Variants in TENM3 observed in about 807,000 individuals in gnomAD.
The protein encoded by TENM3 is teneurin-3.
In TENM3, 63 loss-of-function variants were observed where a neutral mutation model predicts 255.1. The observed-to-expected ratio is 0.25, with a 90% CI of 0.20 to 0.30. The LOEUF is 0.30. Among genes scored for constraint, TENM3 ranks in the 10% least tolerant of loss-of-function variants. The pLI is 1.00. For synonymous variants in TENM3, 1,306 were observed against 1,322.3 expected, an observed-to-expected ratio of 0.99 and a Z score of 0.27; for missense variants, 2,929 against 3,461.1, an observed-to-expected ratio of 0.85 and a Z score of 3.86.
intron 1 of TENM3, among the ~76,000 whole-genome samples, chr4:182,154,752 T>C (rs1344355980): frequency 1.3e-5 from 2 of 152,166 alleles, no homozygotes; most frequent in Non-Finnish European, 2.9e-5. Flanking sequence ...AAGAAAATAG[T>C]GACATATAAA....
At chr4:181,664,476 T>TAAA in the TENM3 span, among the ~76,000 whole-genome samples, 9,908 of 140,526 alleles carry the variant, frequency 0.071, 374 homozygotes, top group African/African-American at 0.11. Flanking sequence ...GTCTAAAAAA[T>TAAA]AAAAAAAAAC....
the TENM3 span, among the ~76,000 whole-genome samples, chr4:181,898,391 T>C: frequency 1.1e-3 from 163 of 152,328 alleles, no homozygotes; most frequent in African/African-American, 3.6e-3. Context: ...GTCTCTTCTA[T>C]ATTTATATCT....
chr4:182,308,855 T>C (rs1762280721), intron 1 of TENM3, among the ~76,000 whole-genome samples: 1 of 152,234 alleles, frequency 6.6e-6, no homozygotes, highest in African/African-American at 2.4e-5. Flanking sequence ...TAGTCAAGCA[T>C]ATTTATATTC....
In TENM3 at chr4:182,362,390, C is replaced by T. The variant is rs867702610; in HGVS notation, c.511+15461C>T. Among the ~76,000 whole-genome samples, 560 of 151,710 alleles carry T rather than the reference C, an allele frequency of 3.7e-3. 11 individuals are homozygous for T. The highest frequency in any genetic ancestry group is 0.011 in the African/African-American group (463 of 41,342). On this transcript the variant is annotated intron_variant, in intron 3 of 27. Coordinates refer to ENST00000511685, the MANE Select transcript of TENM3 (RefSeq NM_001080477.4). The stretch of plus-strand genomic sequence containing the variant: ...GGCTCTACCCAGTTGGAGAGCTTCC[C>T]GGCTGCTTTGTTTACCTAAGCAAGC...
the TENM3 span, among the ~76,000 whole-genome samples, chr4:181,923,899 C>G: frequency 9.9e-5 from 15 of 152,042 alleles, no homozygotes; most frequent in Non-Finnish European, 1.8e-4. Flanking sequence ...TGTTGTTGTA[C>G]CTAGTTGTAC....
At chr4:182,039,396 G>A in the TENM3 span, among the ~76,000 whole-genome samples, 3 of 152,178 alleles carry the variant, frequency 2.0e-5, no homozygotes. Context: ...CCCTTCATTG[G>A]GTTCATCTCT....
chr4:182,673,240 C>A, intron 7 of TENM3, 21 bp downstream of exon 7: 1 of 1,517,692 alleles, frequency 6.6e-7, no homozygotes, highest in Non-Finnish European at 9.0e-7. Flanking sequence ...GCTTTCTTAT[C>A]AATAAAATAA....
At chr4:181,663,738 T>C in the TENM3 span, among the ~76,000 whole-genome samples, 10 of 152,084 alleles carry the variant, frequency 6.6e-5, no homozygotes, top group South Asian at 6.2e-4. Flanking sequence ...GAAAGAAACA[T>C]ACAAGAATGG....
chr4:182,479,124 A>G (rs1201149862), intron 3 of TENM3, among the ~76,000 whole-genome samples: 1 of 66,188 alleles, frequency 1.5e-5, no homozygotes, highest in Non-Finnish European at 4.5e-5. Flanking sequence ...TTCCTTAACA[A>G]TATAGTTAAG....
intron 11 of TENM3, 98 bp downstream of exon 11, chr4:182,682,112 AT>A: frequency 1.1e-6 from 1 of 939,778 alleles, no homozygotes; most frequent in Middle Eastern, 3.4e-4. Flanking sequence ...CCTAATACAA[AT>A]TTTAGTAAAG....
At chr4:181,451,598 A>G in the TENM3 span, among the ~76,000 whole-genome samples, 2 of 152,108 alleles carry the variant, frequency 1.3e-5, no homozygotes, top group Admixed American at 6.6e-5. Flanking sequence ...CTGAGGAGGA[A>G]CTGGAGACAA....
At chr4:182,583,473 A>G (rs1745705586) in intron 3 of TENM3, among the ~76,000 whole-genome samples, 1 of 152,098 alleles carries the variant, frequency 6.6e-6, no homozygotes, top group Admixed American at 6.5e-5. Flanking sequence ...CCCTAATATT[A>G]CAGATGAAAG....
the TENM3 span, among the ~76,000 whole-genome samples, chr4:181,752,386 C>G: frequency 3.5e-3 from 538 of 152,120 alleles, 2 homozygotes; most frequent in African/African-American, 0.012. Context: ...CCTATCTCTA[C>G]TAAAAATACA....
the TENM3 span, among the ~76,000 whole-genome samples, chr4:182,100,411 C>T: frequency 5.1e-5 from 7 of 137,274 alleles, no homozygotes; most frequent in East Asian, 6.5e-4. Flanking sequence ...CGACCAGCCT[C>T]GGTAACATGG....
intron 3 of TENM3, among the ~76,000 whole-genome samples, chr4:182,403,383 G>A (rs112158767): frequency 2.8e-4 from 43 of 152,278 alleles, no homozygotes; most frequent in African/African-American, 9.9e-4. Flanking sequence ...ACCTCTGACT[G>A]CTATACCTTG....
At chr4:181,514,135 A>G in the TENM3 span, among the ~76,000 whole-genome samples, 1 of 152,246 alleles carries the variant, frequency 6.6e-6, no homozygotes, top group African/African-American at 2.4e-5. Context: ...AACACTTTTA[A>G]TCCTTCAAAA....
At chr4:181,952,636 T>C in the TENM3 span, among the ~76,000 whole-genome samples, 32 of 152,224 alleles carry the variant, frequency 2.1e-4, no homozygotes, top group East Asian at 1.2e-3. Flanking sequence ...AGACAGACTT[T>C]AGTCTGACTT....
chr4:181,709,415 C>T, the TENM3 span, among the ~76,000 whole-genome samples: 5 of 152,146 alleles, frequency 3.3e-5, no homozygotes, highest in Non-Finnish European at 5.9e-5. Flanking sequence ...AGAAAAGTAG[C>T]CCCAGGGTAT....
the TENM3 span, among the ~76,000 whole-genome samples, chr4:181,964,584 G>A: frequency 6.8e-6 from 1 of 146,292 alleles, no homozygotes; most frequent in Non-Finnish European, 1.5e-5. Flanking sequence ...GTTCCTTAAT[G>A]TTGCTAGAAA....
Sources: gnomAD v4.1 joint callset for allele counts (sites outside exome capture counted in the v4.1 genomes callset) on GRCh38, gnomAD v4.1.1 for gene constraint, MANE v1.5 for transcripts, NCBI Gene and HGNC (gene_info 2026-07-23, HGNC 2026-07-21) for gene names.